Variants in MCTP1 observed in about 807,000 individuals in gnomAD.
MCTP1 encodes the protein multiple C2 and transmembrane domain-containing protein 1.
Under a neutral mutation model 120.6 loss-of-function variants are expected in MCTP1, and 69 were observed. That is an observed-to-expected ratio of 0.57 (90% CI 0.47 to 0.70). The LOEUF is 0.70. Among genes scored for constraint, MCTP1 ranks in the 30% least tolerant of loss-of-function variants. MCTP1 has a pLI of 0.00. For missense variants in MCTP1, 1,203 were observed against 1,248.8 expected, an observed-to-expected ratio of 0.96 and a Z score of 0.55; for synonymous variants, 529 against 493.1, an observed-to-expected ratio of 1.07 and a Z score of -0.96.
intron 1 of MCTP1, among the ~76,000 whole-genome samples, chr5:95,254,483 C>G (rs1757681112): frequency 6.6e-6 from 1 of 152,088 alleles, no homozygotes; most frequent in African/African-American, 2.4e-5. Context: ...ACATCTTACC[C>G]ACAAGCTTAA....
chr5:94,815,434 T>C (rs1561682173), intron 17 of MCTP1, among the ~76,000 whole-genome samples: 1 of 152,236 alleles, frequency 6.6e-6, no homozygotes, highest in Admixed American at 6.5e-5. Context: ...CTCCCTGTTC[T>C]ACTGTCAGCT....
intron 18 of MCTP1, chr5:94,784,890 C>T (rs539860904): frequency 6.6e-6 from 1 of 152,094 alleles, no homozygotes; most frequent in South Asian, 2.1e-4. Context: ...TCACAAAATG[C>T]ATTTCCTTGG....
At chr5:94,961,540 C>T (rs951737036) in intron 2 of MCTP1, among the ~76,000 whole-genome samples, 1 of 152,198 alleles carries the variant, frequency 6.6e-6, no homozygotes, top group African/African-American at 2.4e-5. Flanking sequence ...ATTTCTACTA[C>T]ACCTACAAAA....
chr5:94,739,996 G>T (rs1765145504), intron 19 of MCTP1, among the ~76,000 whole-genome samples: 1 of 152,142 alleles, frequency 6.6e-6, no homozygotes, highest in Non-Finnish European at 1.5e-5. Context: ...ATAAAATTTT[G>T]TTAAGGCTCA....
At chr5:94,821,756 G>A (rs1348430831) in intron 17 of MCTP1, among the ~76,000 whole-genome samples, 5 of 152,092 alleles carry the variant, frequency 3.3e-5, no homozygotes, top group South Asian at 2.1e-4. Context: ...AATTGGCCCT[G>A]AGGAAACCAG....
At chr5:94,994,849 G>A (rs777600567) in intron 2 of MCTP1, among the ~76,000 whole-genome samples, 18 of 152,106 alleles carry the variant, frequency 1.2e-4, no homozygotes, top group African/African-American at 4.3e-4. Flanking sequence ...TAAGTCTTCT[G>A]GCCTACATCT....
intron 5 of MCTP1, among the ~76,000 whole-genome samples, chr5:94,936,731 C>T (rs1581446474): frequency 6.6e-6 from 1 of 151,956 alleles, no homozygotes; most frequent in African/African-American, 2.4e-5. Flanking sequence ...TATAGAACTG[C>T]AATGTAGGAC....
chr5:95,034,193 T>A (rs970258716), intron 1 of MCTP1, among the ~76,000 whole-genome samples: 4 of 151,878 alleles, frequency 2.6e-5, no homozygotes, highest in African/African-American at 9.7e-5. Flanking sequence ...AAATTACCAA[T>A]GTCATTTTTC....
chr5:95,052,626 C>T lies in MCTP1; in HGVS notation c.721-35142G>A, dbSNP rs1746309419. Among the ~76,000 whole-genome samples, 5 of 152,126 alleles carry T rather than the reference C, an allele frequency of 3.3e-5. No homozygotes were observed. In the South Asian group the frequency reaches 8.3e-4, roughly 25 times the overall value. ...TATAGCCTTTCAAAGAGCCCCATGC[C>T]TCTGATTGCAGCAGGGGAGTGAGGG... On this transcript the variant is annotated intron_variant, in intron 1 of 22. Coordinates refer to ENST00000515393, the MANE Select transcript of MCTP1 (RefSeq NM_024717.7).
At chr5:95,101,880 T>C (rs561509552) in intron 1 of MCTP1, among the ~76,000 whole-genome samples, 2 of 152,282 alleles carry the variant, frequency 1.3e-5, no homozygotes, top group South Asian at 2.1e-4. Context: ...ATCCAGGTGA[T>C]TGATGAAAAA....
At chr5:95,108,158 T>G (rs1387715215) in intron 1 of MCTP1, among the ~76,000 whole-genome samples, 2 of 152,216 alleles carry the variant, frequency 1.3e-5, no homozygotes, top group Non-Finnish European at 2.9e-5. Flanking sequence ...GGAGTTTATT[T>G]GCCTGTTTCC....
intron 17 of MCTP1, among the ~76,000 whole-genome samples, chr5:94,817,720 TG>T (rs1166648707): frequency 6.6e-6 from 1 of 152,246 alleles, no homozygotes; most frequent in African/African-American, 2.4e-5. Flanking sequence ...CCAAAGATCG[TG>T]GATCGATTTG....
rs1821089833 is a variant in MCTP1, at chr5:94,953,245, G to A, written c.955C>T (p.His319Tyr). Residue 319 changes from histidine to tyrosine, a missense_variant, in exon 3 of 23, where the codon CAT (histidine) becomes TAT (tyrosine). Around this residue, in one of 2 missense-constraint regions of MCTP1, gnomAD observed 740 missense variants for 871.1 expected, o/e 0.85. Coordinates refer to ENST00000515393, the MANE Select transcript of MCTP1 (RefSeq NM_024717.7). The stretch of plus-strand genomic sequence containing the variant: ...TTTATATACAATGGCTCCCTAAGAT[G>A]ATCAACCAGAATACAAGCTTTTTCT... ...WEEKACILVD[H>Y]LREPLYIKVF... 6.2e-7 allele frequency: 1 copy of A among 1,612,384 alleles called. No individual in the cohort carries two copies. Among genetic ancestry groups the A allele is most frequent in the Admixed American group, 1.7e-5 (1 of 59,842 alleles).
At chr5:94,709,248 C>A (rs914219372) in intron 21 of MCTP1, 1 of 152,056 alleles carries the variant, frequency 6.6e-6, no homozygotes, top group Non-Finnish European at 1.5e-5. Flanking sequence ...CTTCTGGAAT[C>A]TTGATTTTGG....
At chr5:95,106,976 T>C (rs1202613317) in intron 1 of MCTP1, among the ~76,000 whole-genome samples, 1 of 152,244 alleles carries the variant, frequency 6.6e-6, no homozygotes, top group East Asian at 1.9e-4. Flanking sequence ...ATCAGAATCT[T>C]ATCTAAAATT....
chr5:94,992,164 T>C (rs567898250), intron 2 of MCTP1, among the ~76,000 whole-genome samples: 170 of 152,242 alleles, frequency 1.1e-3, no homozygotes, highest in African/African-American at 3.2e-3. Flanking sequence ...CCAGAGCCCA[T>C]TGGAATATAT....
intron 9 of MCTP1, 52 bp downstream of exon 9, chr5:94,912,754 A>G (rs113949135): frequency 7.0e-7 from 1 of 1,438,046 alleles, no homozygotes. Flanking sequence ...AGGGCTATTA[A>G]CCAACCAATG....
At chr5:95,083,905 CTAGT>C (rs1488678144) in intron 1 of MCTP1, among the ~76,000 whole-genome samples, 4 of 152,252 alleles carry the variant, frequency 2.6e-5, no homozygotes, top group Admixed American at 2.0e-4. Context: ...GGAATACTAC[CTAGT>C]TATTTTCTTT....
At chr5:95,194,597 G>A (rs1023367203) in intron 1 of MCTP1, among the ~76,000 whole-genome samples, 2 of 152,140 alleles carry the variant, frequency 1.3e-5, no homozygotes, top group Non-Finnish European at 2.9e-5. Context: ...CAAGTATTCA[G>A]GTATATGTAC....
Sources: gnomAD v4.1 joint callset for allele counts (sites outside exome capture counted in the v4.1 genomes callset) on GRCh38, gnomAD v4.1.1 for gene constraint, gnomAD v4.1.1 regional missense constraint, MANE v1.5 for transcripts, NCBI Gene and HGNC (gene_info 2026-07-23, HGNC 2026-07-21) for gene names.